FAF1: variants seen among roughly 807,000 people sequenced by gnomAD.
FAF1 encodes FAS-associated factor 1.
Under a neutral mutation model 92.5 loss-of-function variants are expected in FAF1, and 25 were observed. The observed-to-expected ratio is 0.27, with a 90% CI of 0.20 to 0.38. The LOEUF is 0.38. Ranked by LOEUF, FAF1 falls within the 10% of genes least tolerant of loss-of-function variation. FAF1 has a pLI of 1.00. For missense variants in FAF1, 636 were observed against 793.3 expected, an observed-to-expected ratio of 0.80 and a Z score of 2.38; for synonymous variants, 234 against 273.2, an observed-to-expected ratio of 0.86 and a Z score of 1.42.
intron 6 of FAF1, among the ~76,000 whole-genome samples, chr1:50,710,249 A>G (rs552562057): frequency 1.3e-5 from 2 of 152,308 alleles, no homozygotes; most frequent in South Asian, 4.1e-4. Flanking sequence ...TTGTGTAATA[A>G]CTTTGCAAAC....
At chr1:50,866,915 A>G (rs1040549086) in intron 1 of FAF1, among the ~76,000 whole-genome samples, 1 of 152,206 alleles carries the variant, frequency 6.6e-6, no homozygotes, top group Non-Finnish European at 1.5e-5. Flanking sequence ...ATCTGGAGGC[A>G]TAACATTACC....
intron 1 of FAF1, among the ~76,000 whole-genome samples, chr1:50,871,151 C>T (rs556097907): frequency 3.3e-5 from 5 of 152,302 alleles, no homozygotes; most frequent in South Asian, 2.1e-4. Flanking sequence ...TTACATTCTA[C>T]GACACAGGTG....
intron 5 of FAF1, among the ~76,000 whole-genome samples, chr1:50,741,156 G>A (rs998682109): frequency 6.6e-6 from 1 of 152,182 alleles, no homozygotes; most frequent in African/African-American, 2.4e-5. Context: ...GCTGGGATGG[G>A]ACCAAATTAG....
chr1:50,654,996 G>GT, intron 8 of FAF1, among the ~76,000 whole-genome samples: 1 of 147,920 alleles, frequency 6.8e-6, no homozygotes, highest in South Asian at 2.1e-4. Flanking sequence ...TTGAGATGGA[G>GT]TTTCGCTTTT....
At chr1:50,479,225 T>A (rs1418953332) in intron 17 of FAF1, among the ~76,000 whole-genome samples, 8 of 144,242 alleles carry the variant, frequency 5.5e-5, no homozygotes, top group African/African-American at 2.0e-4. Context: ...AGATGCAGAA[T>A]GTTTTTAGGT....
chr1:50,822,849 ACTGCAACCT>A (rs1644057640), intron 2 of FAF1, among the ~76,000 whole-genome samples: 4 of 142,528 alleles, frequency 2.8e-5, no homozygotes, highest in African/African-American at 8.0e-5. Flanking sequence ...ATCTCAGCTC[ACTGCAACCT>A]CTGCCTCTCG....
At chr1:50,736,866 T>C (rs1201910435) in intron 6 of FAF1, among the ~76,000 whole-genome samples, 1 of 151,944 alleles carries the variant, frequency 6.6e-6, no homozygotes, top group African/African-American at 2.4e-5. Flanking sequence ...AGGTTCTGCA[T>C]GGATTTTGTT....
At chr1:50,752,097 G>A (rs1659891841) in intron 4 of FAF1, among the ~76,000 whole-genome samples, 1 of 152,140 alleles carries the variant, frequency 6.6e-6, no homozygotes, top group Admixed American at 6.5e-5. Context: ...AGCCTCTTGA[G>A]TAGTTGGGAC....
At chr1:50,814,574 G>A (rs1643949284) in intron 2 of FAF1, among the ~76,000 whole-genome samples, 1 of 152,102 alleles carries the variant, frequency 6.6e-6, no homozygotes, top group Admixed American at 6.6e-5. Context: ...TCAACTACAT[G>A]TATGTATCTC....
At chr1:50,756,852 G>C (rs2124519641) in intron 4 of FAF1, among the ~76,000 whole-genome samples, 1 of 152,260 alleles carries the variant, frequency 6.6e-6, no homozygotes, top group South Asian at 2.1e-4. Context: ...CACGAGAACA[G>C]CATGGGAAAG....
chr1:50,617,513 G>T (rs1235432697), intron 8 of FAF1, among the ~76,000 whole-genome samples: 3 of 152,044 alleles, frequency 2.0e-5, no homozygotes, highest in Non-Finnish European at 4.4e-5. Flanking sequence ...TAACTGTGGC[G>T]AATTAAGTTT....
intron 3 of FAF1, among the ~76,000 whole-genome samples, chr1:50,790,693 C>T (rs1300613828): frequency 6.6e-6 from 1 of 151,840 alleles, no homozygotes; most frequent in African/African-American, 2.4e-5. Flanking sequence ...TCCACGACCA[C>T]TAGAACTCAA....
At chr1:50,913,415 C>G (rs1644899832) in intron 1 of FAF1, among the ~76,000 whole-genome samples, 1 of 152,180 alleles carries the variant, frequency 6.6e-6, no homozygotes, top group Admixed American at 6.5e-5. Flanking sequence ...GCAACTTACT[C>G]AGCTACTTGG....
chr1:50,480,822 C>G (rs953733821), intron 17 of FAF1, among the ~76,000 whole-genome samples: 35 of 152,194 alleles, frequency 2.3e-4, no homozygotes, highest in Non-Finnish European at 1.0e-4. Flanking sequence ...TAAAACAGCC[C>G]CAGGCACGTC....
intron 13 of FAF1, among the ~76,000 whole-genome samples, chr1:50,559,510 A>G (rs1649768602): frequency 1.3e-5 from 2 of 152,238 alleles, no homozygotes; most frequent in Non-Finnish European, 2.9e-5. Flanking sequence ...CTACACTAAT[A>G]AAGTCATTAG....
At chr1:50,650,521 G>A (rs1301052073) in intron 8 of FAF1, among the ~76,000 whole-genome samples, 1 of 152,028 alleles carries the variant, frequency 6.6e-6, no homozygotes, top group African/African-American at 2.4e-5. Flanking sequence ...TTGGGATGCT[G>A]AGGCATAAGA....
chr1:50,619,620 C>T (rs1354125733), intron 8 of FAF1, among the ~76,000 whole-genome samples: 1 of 152,116 alleles, frequency 6.6e-6, no homozygotes, highest in Non-Finnish European at 1.5e-5. Context: ...GTTGTCTAGC[C>T]TGATTGGGTT....
intron 4 of FAF1, among the ~76,000 whole-genome samples, chr1:50,782,382 G>A (rs1035740497): frequency 2.6e-5 from 4 of 151,866 alleles, no homozygotes; most frequent in African/African-American, 7.3e-5. Context: ...GTGTGTGTTC[G>A]TGTCTTAGTT....
At position 50,518,678 on chromosome 1, in the gene FAF1, G is replaced by C. The variant is rs374218251; in HGVS notation, c.1494+16691C>G. Among the ~76,000 whole-genome samples the C allele has an allele frequency of 8.3e-4, 126 of 152,192 alleles. 1 individual carries two copies. The East Asian group carries it at 0.02, about 24-fold the overall frequency. On this transcript the variant is annotated intron_variant, in intron 15 of 18. Coordinates refer to ENST00000396153, the MANE Select transcript of FAF1 (RefSeq NM_007051.3). ...GATGGTCTCAATCTCCTGACCTTGT[G>C]ATCTGCCCACCTCGGCCTCCCACAG...
Sources: gnomAD v4.1 joint callset for allele counts (sites outside exome capture counted in the v4.1 genomes callset) on GRCh38, gnomAD v4.1.1 for gene constraint, MANE v1.5 for transcripts, NCBI Gene and HGNC (gene_info 2026-07-23, HGNC 2026-07-21) for gene names.